ZKSCAN2: variants seen among roughly 807,000 people sequenced by gnomAD.
ZKSCAN2 encodes zinc finger protein with KRAB and SCAN domains 2.
In ZKSCAN2, 38 loss-of-function variants were observed where a neutral mutation model predicts 90.5. The ratio of observed to expected loss-of-function variants is 0.42; its 90% CI spans 0.32 to 0.55. The LOEUF (loss-of-function observed/expected upper bound fraction) is 0.55. Among genes scored for constraint, ZKSCAN2 ranks in the 20% least tolerant of loss-of-function variants. ZKSCAN2 has a pLI of 0.11. For missense variants in ZKSCAN2, 1,167 were observed against 1,202.6 expected (o/e 0.97, Z 0.44); for synonymous variants, 429 against 421.6 (o/e 1.02, Z -0.22).
In ZKSCAN2 at chr16:25,247,364, T is replaced by A. The variant is rs186241681; in HGVS notation, c.832A>T (p.Ile278Leu). The change falls in exon 5 of 7, where the codon ATA (isoleucine) becomes TTA (leucine). Residue 278 changes from isoleucine (I) to leucine (L), a missense_variant. Coordinates refer to ENST00000328086, the MANE Select transcript of ZKSCAN2 (RefSeq NM_001012981.5). ...TCCTTTCTCTGTTCCAACCGGGTTA[T>A]CTTGTTAGATGTAGACACTGCACTT... ...LGSAVSTSNK[I>L]TRLEQRKEPW... 6.2e-7 allele frequency: 1 copy of A among 1,610,454 alleles called. No individual in the cohort carries two copies.
chr16:25,257,253 AG>A lies in ZKSCAN2; in HGVS notation c.-127del, dbSNP rs1963120116. The A allele has an allele frequency of 1.3e-6, 2 of 1,493,402 alleles. No individual in the cohort carries two copies. Among genetic ancestry groups the A allele is most frequent in the African/African-American group, 1.4e-5 (1 of 71,572 alleles). The allele number at this position is 1,493,402 out of a possible 1,614,324, so 92.5% of individuals were successfully genotyped here. On this transcript the variant is annotated 5_prime_UTR_variant, in exon 1 of 7. Coordinates refer to ENST00000328086, the MANE Select transcript of ZKSCAN2 (RefSeq NM_001012981.5). ...CGGAGGTAAAAACGGCCAGGTCGGC[AG>A]GAACAGGGTATTCCAGGCTGATTAA... is the stretch of plus-strand genomic sequence containing the variant.
intron 2 of ZKSCAN2, among the ~76,000 whole-genome samples, chr16:25,254,149 T>A (rs1963061053): frequency 6.6e-6 from 1 of 152,258 alleles, no homozygotes; most frequent in Non-Finnish European, 1.5e-5. Context: ...GCCTAAGCTC[T>A]TAGCCTCTGT....
chr16:25,245,021 C>T (rs562584892), intron 5 of ZKSCAN2, among the ~76,000 whole-genome samples: 19 of 152,252 alleles, frequency 1.2e-4, no homozygotes, highest in African/African-American at 4.3e-4. Context: ...TTGAGACCAC[C>T]CCAAGAGTCC....
chr16:25,248,385 C>T (rs920395075), intron 4 of ZKSCAN2, among the ~76,000 whole-genome samples: 1 of 147,900 alleles, frequency 6.8e-6, no homozygotes, highest in Non-Finnish European at 1.5e-5. Context: ...ATTTGCAAAC[C>T]ACTCATCTGC....
rs1048043972 is a variant in ZKSCAN2 at position 25,238,143 on chromosome 16, G to C, written c.*1673C>G. The C allele has an allele frequency of 6.6e-6, 1 of 152,198 alleles. No homozygotes were observed. The highest frequency in any genetic ancestry group is 1.5e-5 in the Non-Finnish European group (1 of 68,036). 9.4% of individuals were successfully genotyped at this position (152,198 alleles called of 1,614,324 possible). A position where few individuals can be genotyped will look rare whatever the true frequency, so the allele number is the denominator to read the frequency against. ...CAGTGCCTACCCTCCTAGGTACTTT[G>C]CTGAACAAGTTTCAAAAGATTGAAA... On this transcript the variant is annotated 3_prime_UTR_variant, in exon 7 of 7. Coordinates refer to ENST00000328086, the MANE Select transcript of ZKSCAN2 (RefSeq NM_001012981.5).
intron 5 of ZKSCAN2, among the ~76,000 whole-genome samples, chr16:25,245,329 C>T (rs1354549906): frequency 1.3e-5 from 2 of 152,132 alleles, no homozygotes; most frequent in Non-Finnish European, 2.9e-5. Flanking sequence ...CTCTCAAACT[C>T]CTGGCCTCAA....
chr16:25,243,253 A>C (rs1962880990), intron 6 of ZKSCAN2, among the ~76,000 whole-genome samples: 1 of 152,214 alleles, frequency 6.6e-6, no homozygotes, highest in South Asian at 2.1e-4. Flanking sequence ...CATACCAACA[A>C]AAACCAAGGC....
chr16:25,252,908 A>G, intron 3 of ZKSCAN2, 38 bp downstream of exon 3: 5 of 1,515,974 alleles, frequency 3.3e-6, no homozygotes, highest in Non-Finnish European at 3.7e-6. Context: ...ACAGAGTGAG[A>G]CTCCATCTCA....
At position 25,239,983 on chromosome 16, in the gene ZKSCAN2, T is replaced by C; in HGVS notation, c.2737A>G (p.Lys913Glu). ...REHRRIHTGE[K>E]PYGCAQCGKR... Reference sequence around the variant, plus strand: ...CCACACTGGGCACATCCATAGGGCTTCTCTCCAGTGTGTATTCTCCGATGT... The same window carrying C: ...CCACACTGGGCACATCCATAGGGCTCCTCTCCAGTGTGTATTCTCCGATGT... The change falls in exon 7 of 7, where the codon AAG (lysine) becomes GAG (glutamate). Residue 913 changes from lysine (K) to glutamate (E), a missense_variant. By Grantham distance (56) the Lys-to-Glu change is moderately conservative (BLOSUM62 1). Coordinates refer to ENST00000328086, the MANE Select transcript of ZKSCAN2 (RefSeq NM_001012981.5). The C allele has an allele frequency of 1.2e-6, 2 of 1,614,158 alleles. No individual in the cohort carries two copies. Among genetic ancestry groups the C allele is most frequent in the Middle Eastern group, 1.7e-4 (1 of 6,060 alleles).
In ZKSCAN2 at chr16:25,257,051, T is replaced by A; in HGVS notation, c.77A>T (p.Asp26Val). 1 of 1,613,994 alleles carries A rather than the reference T, an allele frequency of 6.2e-7. No homozygotes were observed. The highest frequency in any genetic ancestry group is 1.3e-5 in the African/African-American group (1 of 74,990). ...AATGGGCTCTGATGCCCACTCAGGG[T>A]CCTTTTCCACCTTCATTATTAGGCA... ...EGCLIMKVEK[D>V]PEWASEPILE... The change falls in exon 1 of 7, where the codon GAC becomes GTC. Residue 26 changes from aspartate to valine, a missense_variant. Physicochemically the swap from Asp to Val is radical, Grantham distance 152 (BLOSUM62 -3). Coordinates refer to ENST00000328086, the MANE Select transcript of ZKSCAN2 (RefSeq NM_001012981.5).
At chr16:25,247,613 T>C (rs1962953750) in intron 4 of ZKSCAN2, among the ~76,000 whole-genome samples, 1 of 152,182 alleles carries the variant, frequency 6.6e-6, no homozygotes, top group Non-Finnish European at 1.5e-5. Context: ...CCTAGCTAGT[T>C]CTTACAGGAA....
intron 6 of ZKSCAN2, among the ~76,000 whole-genome samples, chr16:25,242,839 T>C (rs1450430546): frequency 6.6e-6 from 1 of 152,222 alleles, no homozygotes; most frequent in East Asian, 1.9e-4. Context: ...TACAACAGTC[T>C]AGGCAAGAGA....
intron 1 of ZKSCAN2, among the ~76,000 whole-genome samples, chr16:25,255,670 C>A (rs1963089944): frequency 6.6e-6 from 1 of 152,262 alleles, no homozygotes; most frequent in African/African-American, 2.4e-5. Context: ...CAACCTCCAC[C>A]TCCCAGGTTC....
At chr16:25,246,476 T>G in intron 5 of ZKSCAN2, 1 of 573,152 alleles carries the variant, frequency 1.7e-6, no homozygotes, top group Non-Finnish European at 3.1e-6. Flanking sequence ...AAATCCATGC[T>G]GTGCTCTAAA....
rs1228782272 is a variant in ZKSCAN2, at chr16:25,238,559, T to C, written c.*1257A>G. 6.6e-6 allele frequency: 1 copy of C among 152,210 alleles called. No individual in the cohort carries two copies. The highest frequency in any genetic ancestry group is 1.5e-5 in the Non-Finnish European group (1 of 68,030). The allele number at this position is 152,210 out of a possible 1,614,324, so 9.4% of individuals were successfully genotyped here. On this transcript the variant is annotated 3_prime_UTR_variant, in exon 7 of 7. Transcript: ENST00000328086. The stretch of plus-strand genomic sequence containing the variant: ...AAAAACGGTGTTCTGGATTTCTGGA[T>C]TGAAGTTTTTATAAATGTTCCCACT...
At position 25,240,428 on chromosome 16, in the gene ZKSCAN2, C is replaced by G. The variant is rs1358445642; in HGVS notation, c.2292G>C (p.Met764Ile). 6 of 1,614,216 alleles carry G rather than the reference C, an allele frequency of 3.7e-6. No homozygotes were observed. In the Middle Eastern group the frequency reaches 5.0e-4, roughly 133 times the overall value. The change falls in exon 7 of 7, where the codon ATG becomes ATC. Residue 764 changes from methionine (M) to isoleucine (I), a missense_variant. By Grantham distance (10) the Met-to-Ile change is conservative. Transcript: ENST00000328086. ...GESFGRSTRLMCRMTHHKENP... is the reference protein window; with the variant it reads ...GESFGRSTRLICRMTHHKENP... The stretch of plus-strand genomic sequence containing the variant: ...TCTCCTTGTGGTGGGTCATCCGGCA[C>G]ATCAGACGAGTGCTCCTTCCAAAGC...
In ZKSCAN2 at chr16:25,257,097, C is replaced by A; in HGVS notation, c.31G>T (p.Ala11Ser). 2.5e-6 allele frequency: 4 copies of A among 1,608,718 alleles called. No individual in the cohort carries two copies. Among genetic ancestry groups the A allele is most frequent in the Non-Finnish European group, 3.4e-6 (4 of 1,176,852 alleles). ...AGGCATCCCTCAACCTCCAGGGGCG[C>A]GTCGATCTGAGAGTCGAGGGCGACA... Reference protein sequence around the residue: MAVALDSQIDAPLEVEGCLIM... With the variant: MAVALDSQIDSPLEVEGCLIM... The change falls in exon 1 of 7, where the codon GCG (alanine) becomes TCG (serine). Residue 11 changes from alanine (A) to serine (S), a missense_variant. Transcript: ENST00000328086.
intron 1 of ZKSCAN2, among the ~76,000 whole-genome samples, chr16:25,256,158 T>C (rs1237034287): frequency 6.6e-6 from 1 of 152,150 alleles, no homozygotes; most frequent in Non-Finnish European, 1.5e-5. Flanking sequence ...CTGCAGGATT[T>C]CACGAGGTTC....
Position 25,243,819 on chromosome 16 carries a change from G to A in ZKSCAN2, c.1947C>T (p.Phe649=), listed in dbSNP as rs1214107270. Reference sequence around the variant, plus strand: ...TCTGCAGTAGACCTGGAGGTCCCTGGAACTCTGGCTCTTGCACAATTTCCT... The same window carrying A: ...TCTGCAGTAGACCTGGAGGTCCCTGAAACTCTGGCTCTTGCACAATTTCCT... The part of the protein sequence containing the change: ...SEEEIVQEPE[F]QGPPGLLQSP... Residue 649 remains phenylalanine, a synonymous_variant, in exon 6 of 7, where the codon TTC becomes TTT. Transcript: ENST00000328086. 3 of 1,607,032 alleles carry A rather than the reference G, an allele frequency of 1.9e-6. No homozygotes were observed. Among genetic ancestry groups the A allele is most frequent in the South Asian group, 1.1e-5 (1 of 90,590 alleles).
Sources: gnomAD v4.1 joint callset for allele counts (sites outside exome capture counted in the v4.1 genomes callset) on GRCh38, gnomAD v4.1.1 for gene constraint, MANE v1.5 for transcripts, NCBI Gene and HGNC (gene_info 2026-07-23, HGNC 2026-07-21) for gene names.